Variants in ADPGK observed in about 807,000 individuals in gnomAD.
ADPGK encodes ADP dependent glucokinase.
In ADPGK, 26 loss-of-function variants were observed where a neutral mutation model predicts 42.4. That is an observed-to-expected ratio of 0.61 (90% CI 0.45 to 0.85). The LOEUF is 0.85. ADPGK is among the 40% of genes least tolerant of loss of function. The pLI is 0.00. For missense variants in ADPGK, 571 were observed against 627.0 expected, an observed-to-expected ratio of 0.91 and a Z score of 0.95; for synonymous variants, 267 against 252.6, an observed-to-expected ratio of 1.06 and a Z score of -0.54.
At chr15:72,783,404 C>A (rs2066493718) in intron 1 of ADPGK, 55 bp downstream of exon 1, 3 of 1,315,574 alleles carry the variant, frequency 2.3e-6, no homozygotes, top group Non-Finnish European at 2.9e-6. Flanking sequence ...CGGCTCCGCC[C>A]GACCTCCAAG....
At chr15:72,758,405 G>A (rs1260738915) in intron 4 of ADPGK, 1 of 526,456 alleles carries the variant, frequency 1.9e-6, no homozygotes, top group Non-Finnish European at 3.5e-6. Flanking sequence ...GGCTTCTCTG[G>A]GGAGATCTGG....
At chr15:72,773,133 G>T (rs1285312489) in intron 2 of ADPGK, among the ~76,000 whole-genome samples, 1 of 151,888 alleles carries the variant, frequency 6.6e-6, no homozygotes, top group African/African-American at 2.4e-5. Context: ...AAAGGGTGGG[G>T]GGGAGGTTAA....
intron 5 of ADPGK, chr15:72,756,048 C>T: frequency 1.4e-6 from 1 of 710,010 alleles, no homozygotes; most frequent in South Asian, 1.5e-5. Flanking sequence ...GATGTTCTGC[C>T]CTGTCCTACT....
intron 6 of ADPGK, among the ~76,000 whole-genome samples, chr15:72,754,304 C>T (rs572031587): frequency 2.0e-5 from 3 of 152,194 alleles, no homozygotes; most frequent in East Asian, 3.9e-4. Flanking sequence ...CCGCCCCCGC[C>T]GCCCCACACA....
rs773512231 is a variant in ADPGK at position 72,771,825 on chromosome 15, T to C, written c.480A>G (p.Ala160=). 2 of 1,613,370 alleles carry C rather than the reference T, an allele frequency of 1.2e-6. No homozygotes were observed. The highest frequency in any genetic ancestry group is 1.7e-6 in the Non-Finnish European group (2 of 1,179,596). The change falls in exon 3 of 7, where the codon GCA becomes GCG. Residue 160 remains alanine (A), a synonymous_variant. Transcript: ENST00000456471. ...PGAQHYVGGN[A]ALIGQKFAAN... is the part of the protein sequence containing the mutation. The stretch of plus-strand genomic sequence containing the variant: ...CTGCAAATTTCTGTCCAATTAAAGC[T>C]GCATTTCCTCCTACATAGTGCTGTA...
At chr15:72,758,427 G>C (rs2151073334) in intron 4 of ADPGK, 1 of 442,082 alleles carries the variant, frequency 2.3e-6, no homozygotes, top group Middle Eastern at 6.4e-4. Flanking sequence ...AAGAGAGAAT[G>C]TGGAAAAAAA....
intron 3 of ADPGK, among the ~76,000 whole-genome samples, chr15:72,763,226 A>G (rs1336064476): frequency 1.3e-5 from 2 of 151,808 alleles, no homozygotes; most frequent in Non-Finnish European, 2.9e-5. Context: ...ATCTTGGCTC[A>G]CTGTAACCTC....
At chr15:72,756,222 T>C (rs1321810463) in intron 5 of ADPGK, 29 bp downstream of exon 5, 1 of 1,611,886 alleles carries the variant, frequency 6.2e-7, no homozygotes, top group East Asian at 2.2e-5. Context: ...CCAGCTGAGA[T>C]CTGTGAAATT....
chr15:72,756,650 A>G (rs1185055188), intron 4 of ADPGK: 1 of 599,502 alleles, frequency 1.7e-6, no homozygotes, highest in Non-Finnish European at 2.9e-6. Context: ...CCCAGCCAAG[A>G]AACAGAAACA....
chr15:72,774,733 A>C, intron 2 of ADPGK, 139 bp downstream of exon 2: 1 of 679,750 alleles, frequency 1.5e-6, no homozygotes, highest in Non-Finnish European at 2.5e-6. Context: ...ATCAACCTAG[A>C]CCCACAGTTT....
chr15:72,783,060 A>G (rs1009635721), intron 1 of ADPGK: 17 of 300,468 alleles, frequency 5.7e-5, no homozygotes, highest in African/African-American at 3.4e-4. Flanking sequence ...GGCAGACATC[A>G]CGCGTCTTCA....
intron 1 of ADPGK, among the ~76,000 whole-genome samples, chr15:72,775,546 A>G (rs910375686): frequency 6.6e-6 from 1 of 152,278 alleles, no homozygotes; most frequent in Non-Finnish European, 1.5e-5. Context: ...TTAAGATTAA[A>G]TAAGTGAATG....
At chr15:72,774,738 C>T in intron 2 of ADPGK, 134 bp downstream of exon 2, 2 of 703,978 alleles carry the variant, frequency 2.8e-6, no homozygotes, top group Non-Finnish European at 4.7e-6. Context: ...CCTAGACCCA[C>T]AGTTTTCAAC....
intron 3 of ADPGK, among the ~76,000 whole-genome samples, chr15:72,763,717 T>C (rs529771571): frequency 6.6e-6 from 1 of 152,198 alleles, no homozygotes; most frequent in African/African-American, 2.4e-5. Context: ...TGCTTCACTT[T>C]ACTGTGCTCT....
intron 1 of ADPGK, among the ~76,000 whole-genome samples, chr15:72,779,734 C>G (rs1223828803): frequency 1.4e-4 from 22 of 152,132 alleles, no homozygotes; most frequent in Non-Finnish European, 3.2e-4. Flanking sequence ...TTACCTTCTC[C>G]TCTTCTCTTC....
rs374914417 is a variant in ADPGK at position 72,760,500 on chromosome 15, T to C, written c.550A>G (p.Lys184Glu). The stretch of plus-strand genomic sequence containing the variant: ...TTGTCATCAAGAAGCTCATGTAGCT[T>C]TGGACCAACTGGACCGCAAAGAAGA... ...KVLLCGPVGP[K>E]LHELLDDNVF... The change falls in exon 4 of 7, where the codon AAG becomes GAG. Residue 184 changes from lysine (K) to glutamate (E), a missense_variant. Lys to Glu is a moderately conservative substitution (Grantham distance 56, BLOSUM62 1). This residue lies in a region of ADPGK where 434 missense variants were observed against 522.7 expected (regional missense o/e 0.83). Coordinates refer to ENST00000456471, the MANE Select transcript of ADPGK (RefSeq NM_001365225.1). 593 of 1,605,424 alleles carry C rather than the reference T, an allele frequency of 3.7e-4. 2 individuals are homozygous for C. Among genetic ancestry groups the C allele is most frequent in the Non-Finnish European group, 4.9e-4 (573 of 1,173,018 alleles).
chr15:72,783,590 A>G lies in ADPGK; in HGVS notation c.102T>C (p.Ser34=). The stretch of plus-strand genomic sequence containing the variant: ...GCCCCAGACACAGCGAGCTCCAGAG[A>G]GAGCGCAGCGCCGAGCCTGGCAGCT... ...EPELPGSALR[S]LWSSLCLGPA... The change falls in exon 1 of 7, where the codon TCT becomes TCC. Residue 34 remains serine (S), a synonymous_variant. Transcript: ENST00000456471. 1 of 1,516,170 alleles carries G rather than the reference A, an allele frequency of 6.6e-7. No individual in the cohort carries two copies. The allele number at this position is 1,516,170 out of a possible 1,614,324, so 93.9% of individuals were successfully genotyped here.
chr15:72,783,297 C>G (rs914092933), intron 1 of ADPGK, 162 bp downstream of exon 1: 5 of 1,263,254 alleles, frequency 4.0e-6, no homozygotes, highest in Non-Finnish European at 5.0e-6. Flanking sequence ...GCAGCGGTGA[C>G]GAACCGGGTT....
chr15:72,752,481 C>G lies in ADPGK; in HGVS notation c.1354G>C (p.Val452Leu), dbSNP rs778436004. The G allele has an allele frequency of 6.2e-7, 1 of 1,614,232 alleles. No homozygotes were observed. The highest frequency in any genetic ancestry group is 1.1e-5 in the South Asian group (1 of 91,080). Reference sequence around the variant, plus strand: ...ATTCCCTCTCTGTGCCATTCTACTACTGGCTTGTTTGGGTTTAATACAATC... The same window carrying G: ...ATTCCCTCTCTGTGCCATTCTACTAGTGGCTTGTTTGGGTTTAATACAATC... ...SRIVLNPNKP[V>L]VEWHREGISF... Residue 452 changes from valine (V) to leucine (L), a missense_variant, in exon 7 of 7, where the codon GTA becomes CTA. This residue lies in a region of ADPGK where 434 missense variants were observed against 522.7 expected (regional missense o/e 0.83). Transcript: ENST00000456471.
Sources: gnomAD v4.1 joint callset for allele counts (sites outside exome capture counted in the v4.1 genomes callset) on GRCh38, gnomAD v4.1.1 for gene constraint, gnomAD v4.1.1 regional missense constraint, MANE v1.5 for transcripts, NCBI Gene and HGNC (gene_info 2026-07-23, HGNC 2026-07-21) for gene names.